Variants in MAD1L1 observed in about 807,000 individuals in gnomAD.
MAD1L1 encodes mitotic arrest deficient 1 like 1.
A neutral mutation model predicts 96.9 loss-of-function variants in MAD1L1; 95 were observed. The ratio of observed to expected loss-of-function variants is 0.98; its 90% CI spans 0.83 to 1.16. The LOEUF is 1.16. Among genes scored for constraint, MAD1L1 ranks in the 50% most tolerant of loss-of-function variants. The pLI is 0.00. For missense variants in MAD1L1, 1,007 were observed against 954.4 expected (o/e 1.06, Z -0.73); for synonymous variants, 473 against 396.6 (o/e 1.19, Z -2.29).
At chr7:2,084,210 T>A (rs923100776) in intron 11 of MAD1L1, among the ~76,000 whole-genome samples, 1 of 152,172 alleles carries the variant, frequency 6.6e-6, no homozygotes, top group Non-Finnish European at 1.5e-5. Flanking sequence ...TTTCTGCGTA[T>A]GTGTAGAAAA....
At chr7:2,205,007 G>C (rs925616860) in intron 10 of MAD1L1, among the ~76,000 whole-genome samples, 1 of 150,228 alleles carries the variant, frequency 6.7e-6, no homozygotes, top group Non-Finnish European at 1.5e-5. Context: ...TCTTGAAACC[G>C]CCTTTACAGA....
chr7:2,043,235 C>T (rs977428435), intron 12 of MAD1L1, among the ~76,000 whole-genome samples: 15 of 152,166 alleles, frequency 9.9e-5, no homozygotes, highest in African/African-American at 3.6e-4. Flanking sequence ...TGCATCCACG[C>T]CCCTGTCCCA....
At chr7:1,879,492 A>G (rs1318210749) in intron 18 of MAD1L1, among the ~76,000 whole-genome samples, 1 of 152,074 alleles carries the variant, frequency 6.6e-6, no homozygotes, top group East Asian at 1.9e-4. Context: ...GTTCTTCCCA[A>G]ATTGATCTAC....
chr7:2,024,681 C>A (rs1584113530), intron 12 of MAD1L1, among the ~76,000 whole-genome samples: 1 of 152,202 alleles, frequency 6.6e-6, no homozygotes, highest in Non-Finnish European at 1.5e-5. Flanking sequence ...TCCCAGCCAG[C>A]CCCATCTCAG....
chr7:1,936,893 T>G lies in MAD1L1; in HGVS notation c.1601A>C (p.Asp534Ala). The change falls in exon 17 of 19, where the codon GAC becomes GCC. Residue 534 changes from aspartate (D) to alanine (A), a missense_variant. Asp to Ala is a moderately radical substitution (Grantham distance 126, BLOSUM62 -2). Coordinates refer to ENST00000265854, the MANE Select transcript of MAD1L1 (RefSeq NM_001013836.2). ...AQLERRALQG[D>A]YDQSRTKVLH... ...CACTTTGGTCCTGCTCTGGTCATAG[T>G]CACCCTGCAGGAACACACACAGCAC... 4 of 1,592,208 alleles carry G rather than the reference T, an allele frequency of 2.5e-6. No homozygotes were observed. The highest frequency in any genetic ancestry group is 1.7e-6 in the Non-Finnish European group (2 of 1,167,794).
intron 18 of MAD1L1, among the ~76,000 whole-genome samples, chr7:1,859,706 G>A (rs897318758): frequency 6.6e-6 from 1 of 152,176 alleles, no homozygotes; most frequent in Non-Finnish European, 1.5e-5. Context: ...CTGACACCCT[G>A]CAGGGCTCCC....
chr7:2,229,907 A>G, intron 3 of MAD1L1, 77 bp downstream of exon 3: 2 of 1,496,362 alleles, frequency 1.3e-6, no homozygotes, highest in Non-Finnish European at 1.8e-6. Flanking sequence ...CACCTCAACT[A>G]CAGAAGACTG....
At chr7:2,105,441 C>T (rs1398237791) in intron 11 of MAD1L1, among the ~76,000 whole-genome samples, 2 of 2,626 alleles carry the variant, frequency 7.6e-4, no homozygotes, top group African/African-American at 2.4e-3. Flanking sequence ...GTGGGCTCCA[C>T]GGGAGGGTGG....
At chr7:1,925,414 A>G (rs764904694) in intron 17 of MAD1L1, among the ~76,000 whole-genome samples, 5 of 152,174 alleles carry the variant, frequency 3.3e-5, no homozygotes, top group Non-Finnish European at 7.3e-5. Flanking sequence ...ATTTATAACG[A>G]CCCGAAGTTT....
At chr7:2,202,272 G>A (rs894978641) in intron 10 of MAD1L1, among the ~76,000 whole-genome samples, 10 of 152,232 alleles carry the variant, frequency 6.6e-5, no homozygotes, top group East Asian at 5.8e-4. Flanking sequence ...GGCAGAAAGC[G>A]GCCAGGACTC....
intron 17 of MAD1L1, among the ~76,000 whole-genome samples, chr7:1,926,134 C>A (rs1789075219): frequency 1.3e-5 from 2 of 152,192 alleles, no homozygotes; most frequent in African/African-American, 4.8e-5. Flanking sequence ...AGACAATTCA[C>A]TGCTCATACA....
intron 10 of MAD1L1, among the ~76,000 whole-genome samples, chr7:2,162,423 C>G (rs1455271517): frequency 6.6e-6 from 1 of 152,068 alleles, no homozygotes; most frequent in Non-Finnish European, 1.5e-5. Flanking sequence ...ACTCCCTAAT[C>G]TCAAGTACCC....
chr7:2,099,294 C>T (rs1786657704), intron 11 of MAD1L1, among the ~76,000 whole-genome samples: 1 of 152,246 alleles, frequency 6.6e-6, no homozygotes, highest in East Asian at 1.9e-4. Context: ...GCCCGGCCCA[C>T]TGTGGAGGGT....
At chr7:1,888,777 ATG>A (rs1294983191) in intron 18 of MAD1L1, among the ~76,000 whole-genome samples, 4 of 150,886 alleles carry the variant, frequency 2.7e-5, no homozygotes, top group African/African-American at 4.9e-5. Flanking sequence ...GTGTGGTTTC[ATG>A]TGTGTGTCAG....
chr7:2,152,257 C>T (rs977323926), intron 10 of MAD1L1, among the ~76,000 whole-genome samples: 10 of 152,196 alleles, frequency 6.6e-5, no homozygotes, highest in Non-Finnish European at 1.2e-4. Flanking sequence ...AGTCCCCATG[C>T]GACCAGGCCC....
At chr7:2,102,365 TATCACCACCGTCACC>T (rs1316251765) in intron 11 of MAD1L1, among the ~76,000 whole-genome samples, 7 of 126,568 alleles carry the variant, frequency 5.5e-5, no homozygotes, top group South Asian at 2.7e-4. Context: ...CCACCGTCAC[TATCACCACCGTCACC>T]ATCACCACCA....
intron 13 of MAD1L1, among the ~76,000 whole-genome samples, chr7:2,003,970 T>A (rs1781917344): frequency 6.6e-6 from 1 of 152,088 alleles, no homozygotes; most frequent in South Asian, 2.1e-4. Flanking sequence ...TCCCCCAAAC[T>A]GGGCCTAGAC....
At chr7:1,941,361 G>A (rs1562546136) in intron 16 of MAD1L1, among the ~76,000 whole-genome samples, 1 of 152,202 alleles carries the variant, frequency 6.6e-6, no homozygotes. Context: ...CCTGATGGGG[G>A]GCTTGAGGTC....
intron 17 of MAD1L1, among the ~76,000 whole-genome samples, chr7:1,911,112 T>C (rs2128450226): frequency 6.6e-6 from 1 of 152,202 alleles, no homozygotes; most frequent in Admixed American, 6.5e-5. Context: ...TTCCCGCTCC[T>C]GGGCGGCCGC....
Sources: allele counts gnomAD v4.1 joint callset (sites outside exome capture counted in the v4.1 genomes callset), GRCh38; gene constraint gnomAD v4.1.1; transcripts MANE v1.5; gene names NCBI Gene and HGNC (gene_info 2026-07-23, HGNC 2026-07-21).